Variants in YWHAE observed in about 807,000 individuals in gnomAD.
YWHAE encodes tyrosine 3-monooxygenase/tryptophan 5-monooxygenase activation protein epsilon.
Under a neutral mutation model 30.1 loss-of-function variants are expected in YWHAE, and 4 were observed. That is an observed-to-expected ratio of 0.13 (90% CI 0.07 to 0.30). The LOEUF (loss-of-function observed/expected upper bound fraction) is 0.30. YWHAE is among the 10% of genes least tolerant of loss of function. The probability of loss-of-function intolerance (pLI) is 1.00; values close to 1 mark genes in which losing one functional copy is unlikely to be tolerated. For missense variants in YWHAE, 121 were observed against 315.9 expected, an observed-to-expected ratio of 0.38 and a Z score of 4.68; for synonymous variants, 118 against 111.8, an observed-to-expected ratio of 1.06 and a Z score of -0.35.
At chr17:1,374,552 CA>C (rs749324277) in intron 1 of YWHAE, among the ~76,000 whole-genome samples, 30 of 152,090 alleles carry the variant, frequency 2.0e-4, no homozygotes, top group Non-Finnish European at 3.4e-4. Flanking sequence ...ACACTCCCAC[CA>C]GCAACACAGG....
At chr17:1,390,254 C>A (rs1356669871) in intron 1 of YWHAE, among the ~76,000 whole-genome samples, 1 of 152,112 alleles carries the variant, frequency 6.6e-6, no homozygotes, top group Non-Finnish European at 1.5e-5. Flanking sequence ...CAACTATATA[C>A]CAGCTCAACA....
intron 5 of YWHAE, among the ~76,000 whole-genome samples, chr17:1,353,617 G>A (rs1598226980): frequency 6.6e-6 from 1 of 151,950 alleles, no homozygotes; most frequent in Admixed American, 6.6e-5. Flanking sequence ...ACAAAAACTA[G>A]GTAGTCGTGA....
intron 5 of YWHAE, chr17:1,348,093 A>G (rs2072557034): frequency 2.9e-6 from 2 of 682,036 alleles, no homozygotes; most frequent in Non-Finnish European, 3.6e-6. Context: ...AGGACAAAGG[A>G]AAACAATGAT....
At chr17:1,378,435 TAAAAGG>T (rs892097387) in intron 1 of YWHAE, among the ~76,000 whole-genome samples, 7 of 152,244 alleles carry the variant, frequency 4.6e-5, no homozygotes, top group African/African-American at 1.4e-4. Flanking sequence ...TACTGATTTC[TAAAAGG>T]TCCCAATATC....
chr17:1,396,008 C>G (rs891539958), intron 1 of YWHAE, among the ~76,000 whole-genome samples: 1 of 151,976 alleles, frequency 6.6e-6, no homozygotes, highest in African/African-American at 2.4e-5. Flanking sequence ...ATCCCAGCTA[C>G]TCTTGGAGGC....
intron 4 of YWHAE, among the ~76,000 whole-genome samples, chr17:1,359,449 G>A (rs2072817171): frequency 6.6e-6 from 1 of 152,152 alleles, no homozygotes; most frequent in African/African-American, 2.4e-5. Flanking sequence ...GAAACCCACT[G>A]ACCACCAAAA....
intron 1 of YWHAE, among the ~76,000 whole-genome samples, chr17:1,370,188 G>A (rs1010928379): frequency 6.3e-5 from 9 of 142,656 alleles, no homozygotes; most frequent in South Asian, 2.2e-4. Context: ...GTGCCTGGGC[G>A]TGATCTCGGC....
chr17:1,382,516 CAGGCT>C (rs1326380363), intron 1 of YWHAE, among the ~76,000 whole-genome samples: 7 of 151,126 alleles, frequency 4.6e-5, no homozygotes, highest in African/African-American at 1.7e-4. Context: ...ACCACCAGGC[CAGGCT>C]AATTTTTTTT....
chr17:1,345,583 A>G, intron 5 of YWHAE, 84 bp from the exon 6 acceptor site: 2 of 1,410,650 alleles, frequency 1.4e-6, no homozygotes, highest in South Asian at 1.2e-5. Context: ...CATTCCAAGC[A>G]TAAAGACTCT....
intron 1 of YWHAE, among the ~76,000 whole-genome samples, chr17:1,388,101 GTTTTTTTTTTTGGTTGGTTTTTTTTT>G (rs1162471341): frequency 9.6e-5 from 6 of 62,358 alleles, no homozygotes; most frequent in African/African-American, 3.9e-4. Flanking sequence ...GGTAATTTTT[GTTTTTTTTTTTGGTTGGTTTTTTTTT>G]TTTTTTTTTT....
At chr17:1,370,803 T>C (rs1228611383) in intron 1 of YWHAE, among the ~76,000 whole-genome samples, 3 of 151,884 alleles carry the variant, frequency 2.0e-5, no homozygotes, top group Admixed American at 6.6e-5. Context: ...GAGACCATCC[T>C]GGCTAACAAG....
At chr17:1,365,781 A>G (rs2072932532) in intron 1 of YWHAE, among the ~76,000 whole-genome samples, 1 of 152,144 alleles carries the variant, frequency 6.6e-6, no homozygotes, top group African/African-American at 2.4e-5. Context: ...GCTCTCCAAC[A>G]TTACCCACGT....
intron 1 of YWHAE, among the ~76,000 whole-genome samples, chr17:1,376,104 T>A (rs1263671675): frequency 6.6e-6 from 1 of 152,220 alleles, no homozygotes; most frequent in Non-Finnish European, 1.5e-5. Flanking sequence ...GCCAGTGGAC[T>A]ACAACTCAGG....
intron 1 of YWHAE, among the ~76,000 whole-genome samples, chr17:1,373,972 T>C (rs771286786): frequency 1.3e-5 from 2 of 152,098 alleles, no homozygotes; most frequent in African/African-American, 2.4e-5. Context: ...TCATGCCTAG[T>C]GTAGCATGCA....
chr17:1,386,939 G>A (rs1294087364), intron 1 of YWHAE, among the ~76,000 whole-genome samples: 1 of 146,338 alleles, frequency 6.8e-6, no homozygotes, highest in Non-Finnish European at 1.5e-5. Flanking sequence ...GGGCAACAGA[G>A]TGAGACTCCG....
At chr17:1,359,725 A>T (rs2072822763) in intron 4 of YWHAE, among the ~76,000 whole-genome samples, 1 of 151,772 alleles carries the variant, frequency 6.6e-6, no homozygotes, top group Admixed American at 6.6e-5. Flanking sequence ...TTTAATGGCT[A>T]TAATTCGCTT....
At chr17:1,360,176 G>A (rs1281748512) in intron 4 of YWHAE, among the ~76,000 whole-genome samples, 1 of 152,008 alleles carries the variant, frequency 6.6e-6, no homozygotes, top group East Asian at 1.9e-4. Flanking sequence ...TGGTCAGGTT[G>A]GTATCGAACT....
chr17:1,390,771 T>A (rs2073377638), intron 1 of YWHAE, among the ~76,000 whole-genome samples: 1 of 152,192 alleles, frequency 6.6e-6, no homozygotes, highest in Admixed American at 6.6e-5. Context: ...TTTAGCTCGA[T>A]AAAATCCTGA....
intron 3 of YWHAE, 50 bp downstream of exon 3, chr17:1,361,852 A>G: frequency 3.0e-6 from 4 of 1,320,038 alleles, no homozygotes; most frequent in South Asian, 1.4e-5. Context: ...TTATGGTTCT[A>G]AAAGGACCAA....
Sources: gnomAD v4.1 joint callset for allele counts (sites outside exome capture counted in the v4.1 genomes callset) on GRCh38, gnomAD v4.1.1 for gene constraint, MANE v1.5 for transcripts, NCBI Gene and HGNC (gene_info 2026-07-23, HGNC 2026-07-21) for gene names.